Variants in TAFA1 observed in about 807,000 individuals in gnomAD.
TAFA1 encodes the protein TAFA chemokine like family member 1.
Under a neutral mutation model 18.5 loss-of-function variants are expected in TAFA1, and 4 were observed. That is an observed-to-expected ratio of 0.22 (90% CI 0.11 to 0.49). TAFA1 has a LOEUF of 0.49. Among genes scored for constraint, TAFA1 ranks in the 20% least tolerant of loss-of-function variants. The pLI, the probability that TAFA1 is intolerant of heterozygous loss-of-function variation, is 0.98. For missense variants in TAFA1, 147 were observed against 169.0 expected (o/e 0.87, Z 0.72); for synonymous variants, 56 against 55.2 (o/e 1.01, Z -0.06).
chr3:68,229,908 A>T (rs897576888), intron 2 of TAFA1, among the ~76,000 whole-genome samples: 2 of 152,196 alleles, frequency 1.3e-5, no homozygotes, highest in African/African-American at 4.8e-5. Flanking sequence ...TGATGTATGT[A>T]AAATCCTTAG....
chr3:68,301,584 C>A (rs150430255), intron 2 of TAFA1, among the ~76,000 whole-genome samples: 103 of 152,124 alleles, frequency 6.8e-4, no homozygotes, highest in Non-Finnish European at 1.2e-3. Context: ...CTGTCTGGAA[C>A]TGGGAAAAGT....
In TAFA1 at chr3:68,512,981, T is replaced by C. The variant is rs114775838; in HGVS notation, c.260-25775T>C. ...AACAACCGTGCAAAGTGGGTGGTTC[T>C]ACATGTCATGGATGGAGGTCCATGT... On this transcript the variant is annotated intron_variant, in intron 3 of 4. Coordinates refer to ENST00000478136, the MANE Select transcript of TAFA1 (RefSeq NM_213609.4). Among the ~76,000 whole-genome samples, 962 of 152,264 alleles carry C rather than the reference T, an allele frequency of 6.3e-3. 12 individuals are homozygous for C. The highest frequency in any genetic ancestry group is 0.021 in the African/African-American group (890 of 41,548).
At chr3:68,454,939 A>C (rs2071631384) in intron 3 of TAFA1, among the ~76,000 whole-genome samples, 3 of 152,214 alleles carry the variant, frequency 2.0e-5, no homozygotes, top group Middle Eastern at 6.8e-3. Flanking sequence ...AGACAGTCAA[A>C]AATCCATCTA....
At chr3:68,085,478 G>A (rs906724841) in intron 2 of TAFA1, among the ~76,000 whole-genome samples, 8 of 152,142 alleles carry the variant, frequency 5.3e-5, no homozygotes, top group Non-Finnish European at 4.4e-5. Context: ...GAATTAGAGT[G>A]GGCATTTCAG....
chr3:68,371,657 T>A (rs1430240205), intron 2 of TAFA1, among the ~76,000 whole-genome samples: 1 of 152,238 alleles, frequency 6.6e-6, no homozygotes, highest in Non-Finnish European at 1.5e-5. Context: ...TCCAAGACTT[T>A]GCTATTGTAA....
rs139250278 is a variant in TAFA1 at position 68,456,097 on chromosome 3, G to T, written c.259+38677G>T. ...TAAAAGGCAATTATTTACTAGCAAGGTACTTCCTGACTTCAGGGACAAAGC... is the reference window on the plus strand; with the variant it reads ...TAAAAGGCAATTATTTACTAGCAAGTTACTTCCTGACTTCAGGGACAAAGC... On this transcript the variant is annotated intron_variant, in intron 3 of 4. Transcript: ENST00000478136. Among the ~76,000 whole-genome samples the T allele has an allele frequency of 4.0e-3, 603 of 152,156 alleles. 15 individuals carry two copies. The East Asian group carries it at 0.058, about 15-fold the overall frequency.
At chr3:68,471,249 G>A (rs528194182) in intron 3 of TAFA1, among the ~76,000 whole-genome samples, 1 of 152,346 alleles carries the variant, frequency 6.6e-6, no homozygotes, top group East Asian at 1.9e-4. Flanking sequence ...CCCTCATGGA[G>A]AACCTCTGCT....
At chr3:68,093,038 C>T (rs548632201) in intron 2 of TAFA1, among the ~76,000 whole-genome samples, 2 of 152,268 alleles carry the variant, frequency 1.3e-5, no homozygotes, top group Admixed American at 1.3e-4. Flanking sequence ...ATGAAATTCA[C>T]TTTATGTATG....
At chr3:68,196,496 G>T (rs1286929637) in intron 2 of TAFA1, among the ~76,000 whole-genome samples, 1 of 151,640 alleles carries the variant, frequency 6.6e-6, no homozygotes, top group Non-Finnish European at 1.5e-5. Flanking sequence ...TTTAGTTGAG[G>T]AAATGCAGTT....
intron 4 of TAFA1, among the ~76,000 whole-genome samples, chr3:68,539,768 T>G (rs1027323302): frequency 6.8e-6 from 1 of 146,838 alleles, no homozygotes; most frequent in African/African-American, 2.5e-5. Context: ...TTACAGGAAT[T>G]TTTCTTGAGA....
chr3:68,181,594 A>G (rs4367070), intron 2 of TAFA1, among the ~76,000 whole-genome samples: 103,140 of 152,008 alleles, frequency 0.68, 35,408 homozygotes, highest in South Asian at 0.78. Context: ...TGCACTGTTT[A>G]GATTTATCTT....
intron 2 of TAFA1, among the ~76,000 whole-genome samples, chr3:68,219,830 T>C (rs2066708075): frequency 6.6e-6 from 1 of 152,134 alleles, no homozygotes; most frequent in Non-Finnish European, 1.5e-5. Context: ...TTCAGAAACC[T>C]TGGGAGCATC....
At chr3:68,220,821 A>G (rs750604221) in intron 2 of TAFA1, among the ~76,000 whole-genome samples, 1 of 152,062 alleles carries the variant, frequency 6.6e-6, no homozygotes, top group Non-Finnish European at 1.5e-5. Context: ...AGGGTCACTC[A>G]CAGTATTCTT....
intron 2 of TAFA1, among the ~76,000 whole-genome samples, chr3:68,349,772 T>A (rs2069232163): frequency 6.6e-6 from 1 of 152,060 alleles, no homozygotes; most frequent in Non-Finnish European, 1.5e-5. Flanking sequence ...GGGGATCAGG[T>A]GTGGCCATTA....
At chr3:68,206,513 CA>C (rs1257077331) in intron 2 of TAFA1, among the ~76,000 whole-genome samples, 7 of 151,686 alleles carry the variant, frequency 4.6e-5, no homozygotes, top group Non-Finnish European at 1.0e-4. Flanking sequence ...ATATAAAAAT[CA>C]ATTTAAACGG....
intron 2 of TAFA1, among the ~76,000 whole-genome samples, chr3:68,329,357 C>T (rs1270471351): frequency 1.3e-5 from 2 of 151,690 alleles, no homozygotes; most frequent in East Asian, 1.9e-4. Flanking sequence ...TGAGCCACAG[C>T]GCCCAGCCAC....
intron 3 of TAFA1, among the ~76,000 whole-genome samples, chr3:68,457,200 A>C (rs1274284750): frequency 6.6e-6 from 1 of 152,242 alleles, no homozygotes; most frequent in Non-Finnish European, 1.5e-5. Flanking sequence ...AATTTTATGC[A>C]GTTAGGATTA....
chr3:68,391,284 A>C (rs974315381), intron 2 of TAFA1, among the ~76,000 whole-genome samples: 1 of 152,214 alleles, frequency 6.6e-6, no homozygotes, highest in Admixed American at 6.5e-5. Context: ...CAACTTAATG[A>C]AATAAAGCAT....
At chr3:68,399,820 A>T (rs990016675) in intron 2 of TAFA1, among the ~76,000 whole-genome samples, 1 of 152,136 alleles carries the variant, frequency 6.6e-6, no homozygotes, top group East Asian at 1.9e-4. Flanking sequence ...AGGACCATCT[A>T]TTGACATGCA....
Sources: allele counts gnomAD v4.1 joint callset (sites outside exome capture counted in the v4.1 genomes callset), GRCh38; gene constraint gnomAD v4.1.1; transcripts MANE v1.5; gene names NCBI Gene and HGNC (gene_info 2026-07-23, HGNC 2026-07-21).